TJP1: variants seen among roughly 807,000 people sequenced by gnomAD.
TJP1 encodes the protein tight junction protein ZO-1.
Under a neutral mutation model 194.2 loss-of-function variants are expected in TJP1, and 43 were observed. That is an observed-to-expected ratio of 0.22 (90% CI 0.17 to 0.29). The LOEUF is 0.29. Ranked by LOEUF, TJP1 falls within the 10% of genes least tolerant of loss-of-function variation. The probability of loss-of-function intolerance (pLI) is 1.00; values close to 1 mark genes in which losing one functional copy is unlikely to be tolerated. For missense variants in TJP1, 1,971 were observed against 2,185.7 expected (o/e 0.90, Z 1.96); for synonymous variants, 801 against 779.0 (o/e 1.03, Z -0.47).
At chr15:29,707,157 C>T (rs1348151891) in intron 25 of TJP1, among the ~76,000 whole-genome samples, 3 of 151,998 alleles carry the variant, frequency 2.0e-5, no homozygotes, top group African/African-American at 4.8e-5. Context: ...TGGGCATATC[C>T]CAAACATCCA....
intron 1 of TJP1, among the ~76,000 whole-genome samples, chr15:29,801,568 T>C (rs1334545244): frequency 2.0e-5 from 3 of 149,748 alleles, no homozygotes; most frequent in African/African-American, 7.3e-5. Flanking sequence ...TTCACGCCAT[T>C]CTCCTGCCTC....
chr15:29,877,867 C>A (rs2052768224), intron 2 of TJP1, among the ~76,000 whole-genome samples: 1 of 151,896 alleles, frequency 6.6e-6, no homozygotes, highest in African/African-American at 2.4e-5. Context: ...TGGGGTTTCA[C>A]CATGTTGGCC....
At chr15:29,950,105 A>T (rs139743390) in intron 2 of TJP1, among the ~76,000 whole-genome samples, 4 of 59,464 alleles carry the variant, frequency 6.7e-5, no homozygotes, top group South Asian at 6.1e-4. Context: ...CACCTCCACC[A>T]CCACCACCTC....
In TJP1 at chr15:29,846,782, C is replaced by T. The variant is rs977260381; in HGVS notation, c.307-46080G>A. On this transcript the variant is annotated intron_variant, in intron 2 of 28. Transcript: ENST00000356107. ...CTACTAAAAATACAAAAAAGTTAGC[C>T]GGGCCTGGTGGCGGGTGCCTGTAGT... is the stretch of plus-strand genomic sequence containing the variant. Among the ~76,000 whole-genome samples the T allele has an allele frequency of 2.6e-5, 4 of 152,012 alleles. No homozygotes were observed. In the East Asian group the frequency reaches 7.8e-4, roughly 30 times the overall value.
At chr15:29,800,085 T>C (rs2048684419) in intron 2 of TJP1, among the ~76,000 whole-genome samples, 1 of 152,182 alleles carries the variant, frequency 6.6e-6, no homozygotes, top group Admixed American at 6.5e-5. Flanking sequence ...TCCCCATTTC[T>C]AAAGCAAGAG....
Position 29,732,820 on chromosome 15 carries a change from A to G in TJP1, c.1737-5T>C, listed in dbSNP as rs924516366. On this transcript the variant is annotated splice_polypyrimidine_tract_variant and splice_region_variant and intron_variant, in intron 13 of 27. Coordinates refer to ENST00000614355, the MANE Select transcript of TJP1 (RefSeq NM_001330239.4). ...ACACTGGCTAGCTGCTCAGCTCTAC[A>G]CAAGAAAGGAGAAAATTAAAATAAG... is the stretch of plus-strand genomic sequence containing the variant. 4.0e-5 allele frequency: 62 copies of G among 1,564,752 alleles called. No individual in the cohort carries two copies. The highest frequency in any genetic ancestry group is 5.0e-5 in the Non-Finnish European group (58 of 1,161,682).
At chr15:29,939,761 A>C (rs190039004) in intron 2 of TJP1, among the ~76,000 whole-genome samples, 3 of 152,278 alleles carry the variant, frequency 2.0e-5, no homozygotes, top group African/African-American at 7.2e-5. Context: ...TGCCCTTACA[A>C]AAAAGGCCTA....
In TJP1 at chr15:29,912,582, TG is replaced by T. The variant is rs542765623; in HGVS notation, c.306+43649del. 5.4e-4 allele frequency among the ~76,000 whole-genome samples: 81 copies of T among 151,304 alleles called. No homozygotes were observed. In the South Asian group the frequency reaches 0.017, roughly 31 times the overall value. On this transcript the variant is annotated intron_variant, in intron 2 of 28. Transcript: ENST00000356107. The stretch of plus-strand genomic sequence containing the variant: ...AGTAGCCGATGTGGTAGTGCATGCC[TG>T]TAATCCTAGCTACTCAGGAGGCTGA...
At chr15:29,717,348 A>C (rs1382533773) in intron 22 of TJP1, among the ~76,000 whole-genome samples, 1 of 152,262 alleles carries the variant, frequency 6.6e-6, no homozygotes, top group Non-Finnish European at 1.5e-5. Flanking sequence ...GTAAATTCAT[A>C]TTAGACAGTT....
At chr15:29,944,945 T>C (rs2055222086) in intron 2 of TJP1, among the ~76,000 whole-genome samples, 1 of 152,228 alleles carries the variant, frequency 6.6e-6, no homozygotes, top group African/African-American at 2.4e-5. Context: ...TTTTCAACTG[T>C]ATGAGGTTTG....
intron 2 of TJP1, among the ~76,000 whole-genome samples, chr15:29,777,107 C>T (rs752888436): frequency 1.1e-4 from 16 of 152,256 alleles, no homozygotes; most frequent in Admixed American, 2.0e-4. Flanking sequence ...TTTAGGCACA[C>T]TTCCTGTTTG....
At chr15:29,785,629 T>C (rs1468120570) in intron 2 of TJP1, among the ~76,000 whole-genome samples, 1 of 152,246 alleles carries the variant, frequency 6.6e-6, no homozygotes, top group Admixed American at 6.5e-5. Flanking sequence ...TTTTATTTTA[T>C]TCTTCCATTT....
chr15:29,822,086 C>A lies in TJP1; in HGVS notation c.-58G>T. On this transcript the variant is annotated 5_prime_UTR_variant, in exon 1 of 28. Transcript: ENST00000614355. ...CGGACCCGAAACTCCGCGGCGCTGGCCCGCCCGCTCCTCACGCCACAGCCC... is the reference window on the plus strand; with the variant it reads ...CGGACCCGAAACTCCGCGGCGCTGGACCGCCCGCTCCTCACGCCACAGCCC... 3 of 1,243,016 alleles carry A rather than the reference C, an allele frequency of 2.4e-6. No individual in the cohort carries two copies. The highest frequency in any genetic ancestry group is 3.0e-6 in the Non-Finnish European group (3 of 992,758). The allele number at this position is 1,243,016 out of a possible 1,614,324, so 77.0% of individuals were successfully genotyped here.
At chr15:29,747,234 G>A (rs965336007) in intron 8 of TJP1, among the ~76,000 whole-genome samples, 9 of 152,132 alleles carry the variant, frequency 5.9e-5, no homozygotes, top group African/African-American at 1.4e-4. Flanking sequence ...GCAGTGAGCC[G>A]ATATTGCGCC....
chr15:29,764,760 TG>T (rs780481675), intron 5 of TJP1, among the ~76,000 whole-genome samples: 1 of 151,802 alleles, frequency 6.6e-6, no homozygotes, highest in African/African-American at 2.4e-5. Context: ...AAGAGGGAGA[TG>T]AGTTTCATTT....
At chr15:29,891,789 C>T (rs1283740822) in intron 2 of TJP1, among the ~76,000 whole-genome samples, 6 of 152,246 alleles carry the variant, frequency 3.9e-5, no homozygotes, top group Admixed American at 6.5e-5. Context: ...TTCCACTGAC[C>T]GGCCATTCCC....
At chr15:29,961,793 G>A (rs1393428603) in intron 1 of TJP1, among the ~76,000 whole-genome samples, 1 of 152,120 alleles carries the variant, frequency 6.6e-6, no homozygotes, top group African/African-American at 2.4e-5. Context: ...TAGCTCCCGA[G>A]GTAAGAGAGG....
chr15:29,792,489 G>A (rs1195686061), intron 2 of TJP1, among the ~76,000 whole-genome samples: 1 of 152,074 alleles, frequency 6.6e-6, no homozygotes, highest in East Asian at 1.9e-4. Context: ...CTATAGCTCT[G>A]GAGTATAATT....
chr15:29,710,800 G>C, intron 24 of TJP1, 31 bp downstream of exon 24: 1 of 1,613,022 alleles, frequency 6.2e-7, no homozygotes, highest in Non-Finnish European at 8.5e-7. Flanking sequence ...AAGCATTACT[G>C]TGTTAAAATG....
Sources: gnomAD v4.1 joint callset for allele counts (sites outside exome capture counted in the v4.1 genomes callset) on GRCh38, gnomAD v4.1.1 for gene constraint, MANE v1.5 for transcripts, NCBI Gene and HGNC (gene_info 2026-07-23, HGNC 2026-07-21) for gene names.